NAGA: variants seen among roughly 807,000 people sequenced by gnomAD.
NAGA encodes the protein Acetylgalactosaminidase, alpha-N- (alpha-galactosidase B).
NAGA carries 42 observed loss-of-function variants against 45.6 expected under a neutral mutation model. That is an observed-to-expected ratio of 0.92 (90% CI 0.72 to 1.19). The LOEUF is 1.19. Ranked by LOEUF, NAGA falls within the 50% of genes most tolerant of loss-of-function variation. NAGA has a pLI of 0.00. For synonymous variants in NAGA, 176 were observed against 203.1 expected (o/e 0.87, Z 1.13); for missense variants, 493 against 544.8 (o/e 0.90, Z 0.95).
Position 42,062,876 on chromosome 22 carries a change from A to G in NAGA, c.908T>C (p.Ile303Thr), listed in dbSNP as rs917250507. 1.9e-6 allele frequency: 3 copies of G among 1,614,142 alleles called. No homozygotes were observed. Among genetic ancestry groups the G allele is most frequent in the Non-Finnish European group, 8.5e-7 (1 of 1,180,026 alleles). Residue 303 changes from isoleucine (I) to threonine (T), a missense_variant, in exon 7 of 9, where the codon ATC becomes ACC. Transcript: ENST00000396398. Reference sequence around the variant, plus strand: ...GCCTAAGGGATCCTGGTTGATTTTGATCATGAGTGGATTCTGCAGAATGTC... The same window carrying G: ...GCCTAAGGGATCCTGGTTGATTTTGGTCATGAGTGGATTCTGCAGAATGTC... ...NMDILQNPLM[I>T]KINQDPLGIQ...
rs922722597 is a variant in NAGA at position 42,062,063 on chromosome 22, T to G, written c.957+764A>C. ...TCAGACTCTCGAAGTTTCATTTTTCTCATTTGTAAAATGGCAAGATAACTA... is the reference window on the plus strand; with the variant it reads ...TCAGACTCTCGAAGTTTCATTTTTCGCATTTGTAAAATGGCAAGATAACTA... On this transcript the variant is annotated intron_variant, in intron 7 of 8. Coordinates refer to ENST00000396398, the MANE Select transcript of NAGA (RefSeq NM_000262.3). 2.0e-5 allele frequency among the ~76,000 whole-genome samples: 3 copies of G among 152,224 alleles called. No homozygotes were observed. In the East Asian group the frequency reaches 5.8e-4, roughly 29 times the overall value.
chr22:42,069,271 C>A (rs1291776496), intron 1 of NAGA, among the ~76,000 whole-genome samples: 1 of 152,050 alleles, frequency 6.6e-6, no homozygotes, highest in African/African-American at 2.4e-5. Flanking sequence ...CAAAAATGTA[C>A]TTAATACACC....
rs1338259256 is a variant in NAGA, at chr22:42,070,392, G to T, written c.-95C>A. 50 of 1,490,710 alleles carry T rather than the reference G, an allele frequency of 3.4e-5. No homozygotes were observed. The highest frequency in any genetic ancestry group is 4.5e-5 in the Non-Finnish European group (48 of 1,068,060). 92.3% of individuals were successfully genotyped at this position (1,490,710 alleles called of 1,614,324 possible). On this transcript the variant is annotated 5_prime_UTR_variant, in exon 1 of 9. Coordinates refer to ENST00000396398, the MANE Select transcript of NAGA (RefSeq NM_000262.3). ...CTGGAAGCTAAGAAACGTCTGAAAA[G>T]CACTGGGGTCACGGCTGCCTGGCTA...
chr22:42,067,299 G>C lies in NAGA; in HGVS notation c.325-9C>G. 6.2e-7 allele frequency: 1 copy of C among 1,613,970 alleles called. No homozygotes were observed. Among genetic ancestry groups the C allele is most frequent in the East Asian group, 2.2e-5 (1 of 44,864 alleles). Reference sequence around the variant, plus strand: ...AGGCCCAGGGAGTGAACCTGTGGGGGTTTGAGGACACAGTGGGCTCAAGCA... The same window carrying C: ...AGGCCCAGGGAGTGAACCTGTGGGGCTTTGAGGACACAGTGGGCTCAAGCA... On this transcript the variant is annotated splice_polypyrimidine_tract_variant and intron_variant, in intron 3 of 8. Coordinates refer to ENST00000396398, the MANE Select transcript of NAGA (RefSeq NM_000262.3).
rs1926256978 is a variant in NAGA at position 42,059,881 on chromosome 22, A to G, written c.*398T>C. On this transcript the variant is annotated 3_prime_UTR_variant, in exon 9 of 9. Coordinates refer to ENST00000396398, the MANE Select transcript of NAGA (RefSeq NM_000262.3). Reference sequence around the variant, plus strand: ...TATGGGTAGAAAAGCCAATCACATGATCCATGGGCATTCCTGGCAAGAGGT... The same window carrying G: ...TATGGGTAGAAAAGCCAATCACATGGTCCATGGGCATTCCTGGCAAGAGGT... The G allele has an allele frequency of 3.6e-6, 1 of 277,292 alleles. No individual in the cohort carries two copies. The highest frequency in any genetic ancestry group is 3.8e-5 in the South Asian group (1 of 26,322). The allele number at this position is 277,292 out of a possible 1,614,324, so 17.2% of individuals were successfully genotyped here. A position where few individuals can be genotyped will look rare whatever the true frequency, so the allele number is the denominator to read the frequency against.
Position 42,060,126 on chromosome 22 carries a change from G to T in NAGA, c.*153C>A. The stretch of plus-strand genomic sequence containing the variant: ...AGGGTTTACGCTTGGACAGGGCATA[G>T]AACCTGGCCGTGAGATTGCACTTTG... On this transcript the variant is annotated 3_prime_UTR_variant, in exon 9 of 9. Coordinates refer to ENST00000396398, the MANE Select transcript of NAGA (RefSeq NM_000262.3). 3 of 1,024,640 alleles carry T rather than the reference G, an allele frequency of 2.9e-6. No homozygotes were observed. The highest frequency in any genetic ancestry group is 4.5e-6 in the Non-Finnish European group (3 of 670,858). The allele number at this position is 1,024,640 out of a possible 1,614,324, so 63.5% of individuals were successfully genotyped here.
At chr22:42,065,660 A>T (rs1424156634) in intron 6 of NAGA, 78 bp downstream of exon 6, 9 of 1,589,034 alleles carry the variant, frequency 5.7e-6, no homozygotes. Context: ...GCCTCCAAGA[A>T]GGAAGAAAGC....
At chr22:42,065,951 C>T (rs772173405) in intron 5 of NAGA, 52 bp from the exon 6 acceptor site, 11 of 1,599,108 alleles carry the variant, frequency 6.9e-6, no homozygotes, top group Non-Finnish European at 9.4e-6. Flanking sequence ...ACGCTGCAGC[C>T]CAGGGACCCA....
rs133367 is a variant in NAGA, at chr22:42,067,362, C to T, written c.325-72G>A. 911,175 of 1,575,964 alleles carry T rather than the reference C, an allele frequency of 0.58. 267,308 individuals carry two copies. The highest frequency in any genetic ancestry group is 0.67 in the Admixed American group (39,915 of 59,662). ...AGCCTCCTCAAGGCATATCTGACCC[C>T]GTCCCATTAAACCTCCAGTGGCTCC... On this transcript the variant is annotated intron_variant, in intron 3 of 8. Transcript: ENST00000396398.
Position 42,067,762 on chromosome 22 carries a change from C to T in NAGA, c.324+3G>A. Reference sequence around the variant, plus strand: ...CCAAGGGCAGGGCTGGGGTGCGGCTCACGTAGTCAGCCAGGAAAGGAATGC... The same window carrying T: ...CCAAGGGCAGGGCTGGGGTGCGGCTTACGTAGTCAGCCAGGAAAGGAATGC... On this transcript the variant is annotated splice_donor_region_variant and intron_variant, in intron 3 of 8. Coordinates refer to ENST00000396398, the MANE Select transcript of NAGA (RefSeq NM_000262.3). 1 of 1,611,656 alleles carries T rather than the reference C, an allele frequency of 6.2e-7. No individual in the cohort carries two copies. The highest frequency in any genetic ancestry group is 8.5e-7 in the Non-Finnish European group (1 of 1,179,820).
chr22:42,067,117 G>A lies in NAGA; in HGVS notation c.498C>T (p.Ala166=). ...DGCFSTPEER[A]QGYPKMAAAL... is the part of the protein sequence containing the mutation. Reference sequence around the variant, plus strand: ...CCAGCCAGCTGCGTAACTCACCCTGGGCCCGCTCCTCGGGGGTGGAGAAGC... The same window carrying A: ...CCAGCCAGCTGCGTAACTCACCCTGAGCCCGCTCCTCGGGGGTGGAGAAGC... The change falls in exon 4 of 9, where the codon GCC becomes GCT. Residue 166 remains alanine, a synonymous_variant. Transcript: ENST00000396398. The A allele has an allele frequency of 6.2e-7, 1 of 1,613,856 alleles. No homozygotes were observed. Among genetic ancestry groups the A allele is most frequent in the Non-Finnish European group, 8.5e-7 (1 of 1,179,986 alleles).
chr22:42,070,477 C>T lies in NAGA; in HGVS notation c.-180G>A. ...CACTCGGTCCCCAAGTTGCCCGCCC[C>T]ATCCCCAGCCATCACTTCCCGGAGC... On this transcript the variant is annotated 5_prime_UTR_variant, in exon 1 of 9. The change abolishes an upstream ATG in the 5' untranslated region. Transcript: ENST00000396398. 1.4e-6 allele frequency: 1 copy of T among 702,876 alleles called. No individual in the cohort carries two copies. Among genetic ancestry groups the T allele is most frequent in the Non-Finnish European group, 2.6e-6 (1 of 385,498 alleles). 43.5% of individuals were successfully genotyped at this position (702,876 alleles called of 1,614,324 possible). A position where few individuals can be genotyped will look rare whatever the true frequency, so the allele number is the denominator to read the frequency against.
At chr22:42,063,118 A>C (rs1926508364) in intron 6 of NAGA, 94 bp from the exon 7 acceptor site, 2 of 1,249,836 alleles carry the variant, frequency 1.6e-6, no homozygotes, top group Non-Finnish European at 2.3e-6. Flanking sequence ...AAGAGCAATT[A>C]GGGATTAGGG....
At chr22:42,068,616 C>G in intron 1 of NAGA, 42 bp from the exon 2 acceptor site, 1 of 1,611,576 alleles carries the variant, frequency 6.2e-7, no homozygotes, top group Non-Finnish European at 8.5e-7. Context: ...ATCAGTTGCC[C>G]CCACAGCTCC....
chr22:42,066,242 G>A (rs1236779427), intron 5 of NAGA, among the ~76,000 whole-genome samples: 4 of 151,682 alleles, frequency 2.6e-5, no homozygotes, highest in African/African-American at 9.7e-5. Context: ...ACTGCTGTCT[G>A]CTTTCTTCTC....
rs369609933 is a variant in NAGA, at chr22:42,067,096, C to A, written c.502+17G>T. The A allele has an allele frequency of 1.1e-5, 18 of 1,613,124 alleles. No individual in the cohort carries two copies. The highest frequency in any genetic ancestry group is 1.4e-5 in the Non-Finnish European group (17 of 1,179,948). Reference sequence around the variant, plus strand: ...CTCCCCGTTTGCCTACGTGCCCCAGCCAGCTGCGTAACTCACCCTGGGCCC... The same window carrying A: ...CTCCCCGTTTGCCTACGTGCCCCAGACAGCTGCGTAACTCACCCTGGGCCC... On this transcript the variant is annotated intron_variant, in intron 4 of 8. Coordinates refer to ENST00000396398, the MANE Select transcript of NAGA (RefSeq NM_000262.3).
chr22:42,060,812 G>A, intron 8 of NAGA, 112 bp downstream of exon 8: 1 of 1,457,080 alleles, frequency 6.9e-7, no homozygotes, highest in East Asian at 2.3e-5. Flanking sequence ...ACCTGCCAGA[G>A]GCCCTAAGCC....
In NAGA at chr22:42,061,042, A is replaced by G. The variant is rs140356002; in HGVS notation, c.983T>C (p.Met328Thr). The G allele has an allele frequency of 3.8e-5, 61 of 1,614,080 alleles. No individual in the cohort carries two copies. The highest frequency in any genetic ancestry group is 3.3e-4 in the Middle Eastern group (2 of 6,084). ...HKEKSLIEVY[M>T]RPLSNKASAL... is the part of the protein sequence containing the mutation. ...GCTAGCCTTGTTGGACAGAGGCCGC[A>G]TGTACACTTCGATGAGAGATTTTTC... The change falls in exon 8 of 9, where the codon ATG becomes ACG. Residue 328 changes from methionine to threonine, a missense_variant. Transcript: ENST00000396398.
chr22:42,066,651 A>T (rs1010929363), intron 5 of NAGA, 59 bp downstream of exon 5: 1 of 1,484,566 alleles, frequency 6.7e-7, no homozygotes, highest in East Asian at 2.5e-5. Context: ...CCTGGCACTC[A>T]GGAGGTAAGG....
Sources: allele counts gnomAD v4.1 joint callset (sites outside exome capture counted in the v4.1 genomes callset), GRCh38; gene constraint gnomAD v4.1.1; transcripts MANE v1.5; gene names NCBI Gene and HGNC (gene_info 2026-07-23, HGNC 2026-07-21).